Variants in PAX3 observed in about 807,000 individuals in gnomAD.
PAX3 encodes paired box protein Pax-3.
A neutral mutation model predicts 51.6 loss-of-function variants in PAX3; 14 were observed. The ratio of observed to expected loss-of-function variants is 0.27; its 90% confidence interval spans 0.18 to 0.42. PAX3 has a LOEUF of 0.42. PAX3 is among the 10% of genes least tolerant of loss of function. PAX3 has a pLI of 1.00. For synonymous variants in PAX3, 280 were observed against 253.4 expected, an observed-to-expected ratio of 1.11 and a Z score of -1.00; for missense variants, 540 against 642.8, an observed-to-expected ratio of 0.84 and a Z score of 1.73.
intron 4 of PAX3, among the ~76,000 whole-genome samples, chr2:222,267,860 C>T (rs746097986): frequency 6.6e-6 from 1 of 152,036 alleles, no homozygotes; most frequent in African/African-American, 2.4e-5. Flanking sequence ...TGTGATTCGT[C>T]GTATTATATA....
At chr2:222,221,745 G>A in intron 5 of PAX3, 1 of 306,764 alleles carries the variant, frequency 3.3e-6, no homozygotes, top group Non-Finnish European at 6.4e-6. Flanking sequence ...GGATACATGA[G>A]CCTCTGTGAC....
chr2:222,203,012 CATATATATATATATATATATATATAT>C (rs71053057), intron 7 of PAX3, among the ~76,000 whole-genome samples: 1,347 of 41,200 alleles, frequency 0.033, 84 homozygotes, highest in South Asian at 0.065. Flanking sequence ...ACAACCATTT[CATATATATATATATATATATATATAT>C]ATATATATAT....
At chr2:222,273,616 G>A (rs1694323985) in intron 4 of PAX3, among the ~76,000 whole-genome samples, 1 of 152,086 alleles carries the variant, frequency 6.6e-6, no homozygotes, top group African/African-American at 2.4e-5. Context: ...ATGAAGGAAT[G>A]CCAAAAATCA....
chr2:222,269,669 AAGTC>A (rs1253985069), intron 4 of PAX3, among the ~76,000 whole-genome samples: 1 of 152,092 alleles, frequency 6.6e-6, no homozygotes, highest in East Asian at 1.9e-4. Context: ...AAAAAAAAAA[AAGTC>A]GTACTTAATC....
intron 4 of PAX3, among the ~76,000 whole-genome samples, chr2:222,241,558 A>C (rs1693016884): frequency 6.6e-6 from 1 of 152,240 alleles, no homozygotes; most frequent in African/African-American, 2.4e-5. Context: ...CATTTTGTTA[A>C]AGAAATTACT....
At chr2:222,283,487 C>T (rs1194991458) in intron 4 of PAX3, among the ~76,000 whole-genome samples, 1 of 152,018 alleles carries the variant, frequency 6.6e-6, no homozygotes, top group African/African-American at 2.4e-5. Context: ...AGTGTTTTAC[C>T]CAGTCAAAAA....
chr2:222,288,785 T>TCTCTACAAACCTACA (rs1694924591), intron 4 of PAX3, among the ~76,000 whole-genome samples: 4 of 152,222 alleles, frequency 2.6e-5, no homozygotes, highest in African/African-American at 9.6e-5. Flanking sequence ...TGTAACTGGT[T>TCTCTACAAACCTACA]TCAGTTCCTA....
chr2:222,266,943 C>T (rs150117343), intron 4 of PAX3, among the ~76,000 whole-genome samples: 158 of 152,328 alleles, frequency 1.0e-3, no homozygotes, highest in Non-Finnish European at 3.1e-4. Flanking sequence ...GCTACAAGTG[C>T]AATAACTGTA....
At chr2:222,291,270 G>T (rs1427489166) in intron 4 of PAX3, among the ~76,000 whole-genome samples, 1 of 152,238 alleles carries the variant, frequency 6.6e-6, no homozygotes, top group Non-Finnish European at 1.5e-5. Context: ...GCGGGCCAGG[G>T]GCTAGGGGGA....
At chr2:222,234,749 A>C (rs1225575999) in intron 4 of PAX3, among the ~76,000 whole-genome samples, 4 of 152,178 alleles carry the variant, frequency 2.6e-5, no homozygotes, top group Admixed American at 2.6e-4. Context: ...AAAATTTTCA[A>C]CTCTGTAAAA....
At chr2:222,281,729 A>G (rs1397350992) in intron 4 of PAX3, among the ~76,000 whole-genome samples, 5 of 152,250 alleles carry the variant, frequency 3.3e-5, no homozygotes, top group African/African-American at 1.2e-4. Context: ...GCCACAAACT[A>G]TGAGCCTGAT....
In PAX3 at chr2:222,231,990, G is replaced by A. The variant is rs1965791; in HGVS notation, c.792+88C>T. 4 of 1,209,554 alleles carry A rather than the reference G, an allele frequency of 3.3e-6. No homozygotes were observed. In the South Asian group the frequency reaches 4.9e-5, roughly 15 times the overall value. 74.9% of individuals were successfully genotyped at this position (1,209,554 alleles called of 1,614,324 possible). ...AGGGCCATTCCTAATACATTTTTGG[G>A]GGGGATTGACATATGTTTTAGATGA... is the stretch of plus-strand genomic sequence containing the variant. On this transcript the variant is annotated intron_variant, in intron 5 of 8. Transcript: ENST00000392070.
At chr2:222,212,315 T>C (rs1485854800) in intron 7 of PAX3, among the ~76,000 whole-genome samples, 2 of 152,132 alleles carry the variant, frequency 1.3e-5, no homozygotes, top group Admixed American at 6.6e-5. Context: ...CTTTAAGTAA[T>C]GCTTGCTTCT....
intron 4 of PAX3, among the ~76,000 whole-genome samples, chr2:222,237,326 GCACA>G (rs3075849): frequency 0.12 from 17,315 of 146,424 alleles, 1,142 homozygotes; most frequent in Admixed American, 0.14. Flanking sequence ...TTTATCACAT[GCACA>G]CACACACACA....
At position 222,201,429 on chromosome 2, in the gene PAX3, A is replaced by G. The variant is rs770548336; in HGVS notation, c.1434T>C (p.Tyr478=). The change falls in exon 9 of 9, where the codon TAT becomes TAC. Residue 478 remains tyrosine, a synonymous_variant. Coordinates refer to ENST00000392070, the MANE Select transcript of PAX3 (RefSeq NM_181458.4). Reference sequence around the variant, plus strand: ...TCACTTACGCGATATCTGGCTTGAGATAATGAAAGGCACCTGTAAGGAAAC... The same window carrying G: ...TCACTTACGCGATATCTGGCTTGAGGTAATGAAAGGCACCTGTAAGGAAAC... ...YGQYGQSAFH[Y]LKPDIA The G allele has an allele frequency of 3.7e-6, 6 of 1,614,054 alleles. No individual in the cohort carries two copies. Among genetic ancestry groups the G allele is most frequent in the Non-Finnish European group, 3.4e-6 (4 of 1,180,004 alleles).
At chr2:222,225,946 C>G (rs118144678) in intron 5 of PAX3, among the ~76,000 whole-genome samples, 1 of 152,092 alleles carries the variant, frequency 6.6e-6, no homozygotes, top group Non-Finnish European at 1.5e-5. Context: ...AATTGAAAGC[C>G]GGTTTGACTT....
chr2:222,295,074 G>T (rs1024666261), intron 3 of PAX3, among the ~76,000 whole-genome samples: 2 of 151,740 alleles, frequency 1.3e-5, no homozygotes, highest in Non-Finnish European at 2.9e-5. Flanking sequence ...CTGCCGTGGC[G>T]GGGGGCTCCG....
chr2:222,232,424 A>T, intron 4 of PAX3, 141 bp from the exon 5 acceptor site: 1 of 726,534 alleles, frequency 1.4e-6, no homozygotes, highest in Non-Finnish European at 2.3e-6. Flanking sequence ...GGATCAAAAA[A>T]CAAGTCTAAC....
chr2:222,218,070 G>C (rs1053127565), intron 7 of PAX3, among the ~76,000 whole-genome samples: 1 of 152,148 alleles, frequency 6.6e-6, no homozygotes, highest in African/African-American at 2.4e-5. Flanking sequence ...ATTCCTAGTG[G>C]TGGTTTGAGG....
Sources: allele counts gnomAD v4.1 joint callset (sites outside exome capture counted in the v4.1 genomes callset), GRCh38; gene constraint gnomAD v4.1.1; transcripts MANE v1.5; gene names NCBI Gene and HGNC (gene_info 2026-07-23, HGNC 2026-07-21).